Variants in ATP10B observed in about 807,000 individuals in gnomAD.
ATP10B encodes phospholipid-transporting ATPase VB.
In ATP10B, 122 loss-of-function variants were observed where a neutral mutation model predicts 141.2. The observed-to-expected ratio is 0.86, with a 90% CI of 0.75 to 1.00. ATP10B has a LOEUF of 1.00. Ranked by LOEUF, ATP10B falls within the 50% of genes least tolerant of loss-of-function variation. The probability of loss-of-function intolerance (pLI) is 0.00; values close to 1 mark genes in which losing one functional copy is unlikely to be tolerated. For missense variants in ATP10B, 1,876 were observed against 1,825.3 expected, an observed-to-expected ratio of 1.03 and a Z score of -0.51; for synonymous variants, 685 against 692.0, an observed-to-expected ratio of 0.99 and a Z score of 0.16.
At chr5:160,571,686 G>GT (rs1195470259) in intron 24 of ATP10B, among the ~76,000 whole-genome samples, 2 of 151,872 alleles carry the variant, frequency 1.3e-5, no homozygotes, top group African/African-American at 4.9e-5. Flanking sequence ...GCATATGCAT[G>GT]TGTGTGTGTG....
intron 3 of ATP10B, among the ~76,000 whole-genome samples, chr5:160,715,546 C>G (rs1765575092): frequency 6.7e-6 from 1 of 148,986 alleles, no homozygotes; most frequent in South Asian, 2.2e-4. Flanking sequence ...CCCGGTACCT[C>G]AGATGGAAAT....
Position 160,607,063 on chromosome 5 carries a change from A to C in ATP10B, c.2862T>G (p.Asn954Lys). The change falls in exon 19 of 26, where the codon AAT (asparagine) becomes AAG (lysine). Residue 954 changes from asparagine (N) to lysine (K), a missense_variant. Asn to Lys is a moderately conservative substitution (Grantham distance 94, BLOSUM62 0). Coordinates refer to ENST00000327245, the MANE Select transcript of ATP10B (RefSeq NM_025153.3). Reference sequence around the variant, plus strand: ...ATTGCTTTAGCTCTTCCAATGCACAATTGAGGATGGATTCACAGGTCTCCT... The same window carrying C: ...ATTGCTTTAGCTCTTCCAATGCACACTTGAGGATGGATTCACAGGTCTCCT... ...ENQETCESIL[N>K]CALEELKQFR... 1 of 1,613,334 alleles carries C rather than the reference A, an allele frequency of 6.2e-7. No individual in the cohort carries two copies. Among genetic ancestry groups the C allele is most frequent in the Non-Finnish European group, 8.5e-7 (1 of 1,179,310 alleles).
At chr5:160,787,386 C>G (rs895307439) in intron 1 of ATP10B, among the ~76,000 whole-genome samples, 1 of 152,188 alleles carries the variant, frequency 6.6e-6, no homozygotes, top group East Asian at 1.9e-4. Context: ...TGTTTTCAAC[C>G]CCTGCCCTAA....
intron 24 of ATP10B, among the ~76,000 whole-genome samples, chr5:160,574,819 C>CTTTTTTTT (rs1755092097): frequency 1.5e-5 from 1 of 64,800 alleles, no homozygotes; most frequent in Admixed American, 1.4e-4. Flanking sequence ...TTTTTTTGTG[C>CTTTTTTTT]CCTTCCCAAA....
chr5:160,782,128 A>G (rs1335302253), intron 2 of ATP10B, among the ~76,000 whole-genome samples: 1 of 152,208 alleles, frequency 6.6e-6, no homozygotes, highest in Non-Finnish European at 1.5e-5. Flanking sequence ...TCTTCCTTTC[A>G]GGAAATATTT....
chr5:160,788,669 G>T (rs1771345304), intron 1 of ATP10B, among the ~76,000 whole-genome samples: 1 of 152,144 alleles, frequency 6.6e-6, no homozygotes, highest in Non-Finnish European at 1.5e-5. Flanking sequence ...GATTCCAGGT[G>T]GGGATTGGTC....
intron 1 of ATP10B, among the ~76,000 whole-genome samples, chr5:160,844,223 T>C (rs1387390391): frequency 1.3e-5 from 2 of 152,046 alleles, no homozygotes; most frequent in Non-Finnish European, 2.9e-5. Context: ...CACACACACA[T>C]ATATGTGCTA....
chr5:160,580,332 C>T (rs1278253224), intron 24 of ATP10B, among the ~76,000 whole-genome samples: 12 of 152,106 alleles, frequency 7.9e-5, no homozygotes, highest in South Asian at 2.1e-4. Flanking sequence ...TTTTGAGATA[C>T]GTTCCATCAA....
At chr5:160,622,656 C>A in intron 13 of ATP10B, 71 bp from the exon 14 acceptor site, 1 of 1,390,838 alleles carries the variant, frequency 7.2e-7, no homozygotes, top group Non-Finnish European at 9.9e-7. Flanking sequence ...CTTCACATGC[C>A]TGGGGAAAGG....
chr5:160,905,905 G>A, the ATP10B span, among the ~76,000 whole-genome samples: 2 of 152,044 alleles, frequency 1.3e-5, no homozygotes, highest in Non-Finnish European at 2.9e-5. Context: ...AATGTGTCTG[G>A]AGTAAGAGGA....
chr5:160,697,199 C>T (rs1041971889), intron 3 of ATP10B, among the ~76,000 whole-genome samples: 2 of 152,050 alleles, frequency 1.3e-5, no homozygotes, highest in African/African-American at 4.8e-5. Context: ...TATCTAGTTG[C>T]AGACAAATAT....
At chr5:160,694,996 G>A (rs1192468982) in intron 3 of ATP10B, among the ~76,000 whole-genome samples, 1 of 152,218 alleles carries the variant, frequency 6.6e-6, no homozygotes, top group Non-Finnish European at 1.5e-5. Flanking sequence ...GAGCAGAGGA[G>A]ATTGGCTTTA....
intron 9 of ATP10B, among the ~76,000 whole-genome samples, chr5:160,642,734 A>G (rs1759967845): frequency 6.6e-6 from 1 of 152,212 alleles, no homozygotes; most frequent in African/African-American, 2.4e-5. Context: ...CTGTCGTATT[A>G]GGCCCTTTTC....
At chr5:160,760,121 C>A (rs910120410) in intron 2 of ATP10B, among the ~76,000 whole-genome samples, 2 of 152,180 alleles carry the variant, frequency 1.3e-5, no homozygotes, top group African/African-American at 4.8e-5. Flanking sequence ...AGAGAGGGAT[C>A]AAATTTCATC....
At chr5:160,722,781 C>A (rs865789879) in intron 2 of ATP10B, among the ~76,000 whole-genome samples, 2 of 152,194 alleles carry the variant, frequency 1.3e-5, no homozygotes, top group Non-Finnish European at 2.9e-5. Flanking sequence ...TCTCCTGCTT[C>A]CCTCCAGCCA....
intron 1 of ATP10B, among the ~76,000 whole-genome samples, chr5:160,844,328 A>G (rs931222061): frequency 6.6e-6 from 1 of 152,214 alleles, no homozygotes; most frequent in Non-Finnish European, 1.5e-5. Context: ...AAATGTACGT[A>G]AGTTGTGGTG....
At chr5:160,708,962 C>A (rs1023738026) in intron 3 of ATP10B, among the ~76,000 whole-genome samples, 1 of 152,310 alleles carries the variant, frequency 6.6e-6, no homozygotes, top group Middle Eastern at 3.4e-3. Context: ...AGCCAGGCAA[C>A]AGACCCGTGT....
In ATP10B at chr5:160,652,876, A is replaced by G. The variant is rs1413933248; in HGVS notation, c.676-3620T>C. Among the ~76,000 whole-genome samples the G allele has an allele frequency of 6.1e-5, 3 of 49,420 alleles. No individual in the cohort carries two copies. The Admixed American group carries it at 9.2e-4, about 15-fold the overall frequency. 32.4% of individuals were successfully genotyped at this position (49,420 alleles called of 152,430 possible). A position where few individuals can be genotyped will look rare whatever the true frequency, so the allele number is the denominator to read the frequency against. On this transcript the variant is annotated intron_variant, in intron 7 of 25. Coordinates refer to ENST00000327245, the MANE Select transcript of ATP10B (RefSeq NM_025153.3). ...ATTATAAATTATATATAATATATAT[A>G]ATATATATATAATTATATAATATAT...
intron 7 of ATP10B, among the ~76,000 whole-genome samples, chr5:160,649,459 C>A (rs913481431): frequency 6.6e-6 from 1 of 152,184 alleles, no homozygotes; most frequent in Admixed American, 6.6e-5. Context: ...AAGTTTGATG[C>A]AGGGCAGAGG....
Sources: gnomAD v4.1 joint callset for allele counts (sites outside exome capture counted in the v4.1 genomes callset) on GRCh38, gnomAD v4.1.1 for gene constraint, MANE v1.5 for transcripts, NCBI Gene and HGNC (gene_info 2026-07-23, HGNC 2026-07-21) for gene names.